PTPRD: variants seen among roughly 807,000 people sequenced by gnomAD.
PTPRD encodes the protein receptor-type tyrosine-protein phosphatase delta.
PTPRD carries 34 observed loss-of-function variants against 214.5 expected under a neutral mutation model. The ratio of observed to expected loss-of-function variants is 0.16; its 90% CI spans 0.12 to 0.21. The LOEUF is 0.21. Ranked by LOEUF, PTPRD falls within the 10% of genes least tolerant of loss-of-function variation. The pLI is 1.00. For synonymous variants in PTPRD, 1,128 were observed against 845.7 expected, an observed-to-expected ratio of 1.33 and a Z score of -5.79; for missense variants, 2,545 against 2,398.7, an observed-to-expected ratio of 1.06 and a Z score of -1.27.
At chr9:10,187,078 T>C (rs1323152835) in intron 3 of PTPRD, among the ~76,000 whole-genome samples, 1 of 152,194 alleles carries the variant, frequency 6.6e-6, no homozygotes, top group Non-Finnish European at 1.5e-5. Flanking sequence ...ACATGTTTTA[T>C]TCAATTTATA....
At chr9:10,050,502 G>T (rs574386328) in intron 3 of PTPRD, among the ~76,000 whole-genome samples, 2 of 128,034 alleles carry the variant, frequency 1.6e-5, no homozygotes, top group East Asian at 5.4e-4. Flanking sequence ...GGAGGTTGCA[G>T]TGAGCCGAAA....
chr9:8,516,894 C>T (rs2097790894), intron 21 of PTPRD, among the ~76,000 whole-genome samples: 1 of 142,712 alleles, frequency 7.0e-6, no homozygotes, highest in South Asian at 2.3e-4. Flanking sequence ...AACTTGCAAA[C>T]TCCATCTCCC....
chr9:9,163,506 C>G (rs1018988132), intron 10 of PTPRD, among the ~76,000 whole-genome samples: 1 of 152,032 alleles, frequency 6.6e-6, no homozygotes, highest in Non-Finnish European at 1.5e-5. Context: ...ACAGCCACCA[C>G]CGAGATCCAA....
intron 7 of PTPRD, among the ~76,000 whole-genome samples, chr9:9,575,460 C>T (rs890571494): frequency 2.6e-5 from 4 of 151,750 alleles, no homozygotes; most frequent in Admixed American, 2.0e-4. Flanking sequence ...GTGGCTCATG[C>T]CTGTAATCCC....
chr9:8,359,103 G>A (rs1182662930), intron 39 of PTPRD, among the ~76,000 whole-genome samples: 4 of 64,826 alleles, frequency 6.2e-5, no homozygotes, highest in African/African-American at 8.1e-5. Flanking sequence ...GCGAGACTCC[G>A]TCTCAAAAAA....
At chr9:10,464,192 G>C (rs1048391791) in intron 2 of PTPRD, among the ~76,000 whole-genome samples, 21 of 152,164 alleles carry the variant, frequency 1.4e-4, no homozygotes, top group African/African-American at 4.6e-4. Context: ...GAGGTCAGGA[G>C]TTTCAGACCA....
At chr9:8,949,156 G>A (rs1259207870) in intron 11 of PTPRD, among the ~76,000 whole-genome samples, 1 of 150,788 alleles carries the variant, frequency 6.6e-6, no homozygotes, top group African/African-American at 2.4e-5. Flanking sequence ...CCCGGGAGGT[G>A]GAGGGTGCAG....
intron 9 of PTPRD, among the ~76,000 whole-genome samples, chr9:9,195,890 T>A (rs2099938301): frequency 6.6e-6 from 1 of 152,162 alleles, no homozygotes; most frequent in Non-Finnish European, 1.5e-5. Flanking sequence ...TTCATTATTA[T>A]TAAATACAAA....
intron 33 of PTPRD, among the ~76,000 whole-genome samples, chr9:8,452,174 C>A (rs1564911172): frequency 6.6e-6 from 1 of 152,174 alleles, no homozygotes; most frequent in Non-Finnish European, 1.5e-5. Flanking sequence ...GAAATTATTT[C>A]CAAGACCTCA....
At chr9:9,548,834 T>G (rs138507399) in intron 8 of PTPRD, among the ~76,000 whole-genome samples, 3 of 152,018 alleles carry the variant, frequency 2.0e-5, no homozygotes, top group Non-Finnish European at 4.4e-5. Context: ...TAAATGTATA[T>G]CCCTTAAAAG....
chr9:10,253,790 C>T (rs532634541), intron 3 of PTPRD, among the ~76,000 whole-genome samples: 2 of 152,194 alleles, frequency 1.3e-5, no homozygotes, highest in East Asian at 1.9e-4. Context: ...AATAGGCAAA[C>T]TCTAATTTTC....
intron 14 of PTPRD, among the ~76,000 whole-genome samples, chr9:8,604,443 G>C (rs1029879067): frequency 2.6e-5 from 4 of 152,192 alleles, no homozygotes; most frequent in African/African-American, 9.6e-5. Flanking sequence ...TATTTTTTGA[G>C]TGGAAAGTTC....
intron 7 of PTPRD, among the ~76,000 whole-genome samples, chr9:9,597,754 A>G (rs2093463365): frequency 6.6e-6 from 1 of 152,062 alleles, no homozygotes; most frequent in Admixed American, 6.6e-5. Flanking sequence ...AGACAGGTGA[A>G]CAAGAAATAA....
At chr9:8,477,896 C>G (rs2096797421) in intron 30 of PTPRD, among the ~76,000 whole-genome samples, 1 of 152,208 alleles carries the variant, frequency 6.6e-6, no homozygotes, top group South Asian at 2.1e-4. Context: ...AGCCAGACTG[C>G]CTGGATTCAA....
chr9:8,708,704 A>AAC (rs748191308), intron 12 of PTPRD, among the ~76,000 whole-genome samples: 2,963 of 121,282 alleles, frequency 0.024, 55 homozygotes, highest in Non-Finnish European at 0.041. Context: ...AAAAAAAAAA[A>AAC]CAGAGCTACC....
At chr9:9,669,145 G>T (rs1035849278) in intron 7 of PTPRD, among the ~76,000 whole-genome samples, 1 of 151,906 alleles carries the variant, frequency 6.6e-6, no homozygotes, top group Non-Finnish European at 1.5e-5. Context: ...TCCCATTACT[G>T]GGTATATACC....
At chr9:8,734,911 T>C (rs1481705429) in intron 11 of PTPRD, among the ~76,000 whole-genome samples, 1 of 152,114 alleles carries the variant, frequency 6.6e-6, no homozygotes, top group Non-Finnish European at 1.5e-5. Flanking sequence ...TTTAACAAGA[T>C]GACGAAAAGG....
intron 5 of PTPRD, among the ~76,000 whole-genome samples, chr9:9,914,448 C>T (rs10816230): frequency 0.15 from 22,600 of 152,062 alleles, 1,700 homozygotes; most frequent in Middle Eastern, 0.2. Flanking sequence ...CGTCAGGGGC[C>T]TAAGAAATAA....
intron 3 of PTPRD, among the ~76,000 whole-genome samples, chr9:10,265,021 A>G (rs1322041048): frequency 6.6e-6 from 1 of 152,122 alleles, no homozygotes; most frequent in East Asian, 1.9e-4. Context: ...ACCTTCCACC[A>G]TGACTGTGAG....
Sources: gnomAD v4.1 joint callset for allele counts (sites outside exome capture counted in the v4.1 genomes callset) on GRCh38, gnomAD v4.1.1 for gene constraint, MANE v1.5 for transcripts, NCBI Gene and HGNC (gene_info 2026-07-23, HGNC 2026-07-21) for gene names.